Variants in CCSER2 observed in about 807,000 individuals in gnomAD.
CCSER2 encodes coiled-coil serine rich protein 2, also known as serine-rich coiled-coil domain-containing protein 2.
A neutral mutation model predicts 92.3 loss-of-function variants in CCSER2; 46 were observed. That is an observed-to-expected ratio of 0.50 (90% confidence interval 0.39 to 0.64). The LOEUF (loss-of-function observed/expected upper bound fraction) is 0.64, where lower values mean the gene tolerates loss of function less well. CCSER2 is among the 30% of genes least tolerant of loss of function. CCSER2 has a pLI of 0.00. For synonymous variants in CCSER2, 433 were observed against 431.4 expected (o/e 1.00, Z -0.04); for missense variants, 1,244 against 1,238.9 (o/e 1.00, Z -0.06).
At chr10:84,499,611 G>A (rs375658709) in intron 9 of CCSER2, among the ~76,000 whole-genome samples, 42 of 151,824 alleles carry the variant, frequency 2.8e-4, no homozygotes, top group African/African-American at 6.5e-4. Flanking sequence ...AATGTATACC[G>A]GAAAGAATAT....
chr10:84,402,703 TA>T (rs1842183254), intron 3 of CCSER2, among the ~76,000 whole-genome samples: 1 of 152,210 alleles, frequency 6.6e-6, no homozygotes, highest in African/African-American at 2.4e-5. Flanking sequence ...GAAGAAAGAT[TA>T]AATGCTTTTC....
intron 6 of CCSER2, among the ~76,000 whole-genome samples, chr10:84,446,326 A>G (rs1447350192): frequency 6.6e-6 from 1 of 152,226 alleles, no homozygotes; most frequent in Non-Finnish European, 1.5e-5. Flanking sequence ...GTGATATACA[A>G]ATGTTTAGTT....
In CCSER2 at chr10:84,496,092, A is replaced by G. The variant is rs539872327; in HGVS notation, c.2326-17357A>G. ...TAATGTTTTAGTTGTTGCTGTAGGC[A>G]TTATATTTCACACACACATACATAT... On this transcript the variant is annotated intron_variant, in intron 9 of 9. Transcript: ENST00000372088. Among the ~76,000 whole-genome samples, 6 of 152,006 alleles carry G rather than the reference A, an allele frequency of 3.9e-5. No homozygotes were observed. The South Asian group carries it at 1.0e-3, about 26-fold the overall frequency.
intron 1 of CCSER2, among the ~76,000 whole-genome samples, chr10:84,361,421 T>C (rs1845492744): frequency 6.6e-6 from 1 of 152,210 alleles, no homozygotes; most frequent in Non-Finnish European, 1.5e-5. Flanking sequence ...ATTATCTGGC[T>C]CTTCCAGGTT....
In CCSER2 at chr10:84,438,584, G is replaced by C. The variant is rs746765077; in HGVS notation, c.1941G>C (p.Gln647His). The C allele has an allele frequency of 6.2e-7, 1 of 1,613,708 alleles. No homozygotes were observed. Among genetic ancestry groups the C allele is most frequent in the East Asian group, 2.2e-5 (1 of 44,876 alleles). The change falls in exon 6 of 10, where the codon CAG (glutamine) becomes CAC (histidine). Residue 647 changes from glutamine (Q) to histidine (H), a missense_variant. Physicochemically the swap from Gln to His is conservative, Grantham distance 24. Transcript: ENST00000372088. ...SYGGMPFFQAQKMFVDVPENT... is the reference protein window; with the variant it reads ...SYGGMPFFQAHKMFVDVPENT... The stretch of plus-strand genomic sequence containing the variant: ...GAGGGATGCCCTTTTTCCAGGCTCA[G>C]AAGATGTTTGTTGATGTACCAGAAA...
chr10:84,347,259 G>A (rs549048692), intron 1 of CCSER2, among the ~76,000 whole-genome samples: 131 of 152,066 alleles, frequency 8.6e-4, no homozygotes, highest in Non-Finnish European at 1.5e-3. Context: ...CAAAACCATC[G>A]TCATCATGGC....
chr10:84,392,021 A>G lies in CCSER2; in HGVS notation c.1614+18206A>G, dbSNP rs528628036. 6 of 1,276,318 alleles carry G rather than the reference A, an allele frequency of 4.7e-6. No individual in the cohort carries two copies. In the African/African-American group the frequency reaches 7.3e-5, roughly 16 times the overall value. The allele number at this position is 1,276,318 out of a possible 1,614,324, so 79.1% of individuals were successfully genotyped here. Reference sequence around the variant, plus strand: ...ACCAGTTTCCTCTTCCCTTAAAAAGAGCGTCTTGCAGCTGTTTATGGTGTT... The same window carrying G: ...ACCAGTTTCCTCTTCCCTTAAAAAGGGCGTCTTGCAGCTGTTTATGGTGTT... On this transcript the variant is annotated intron_variant, in intron 3 of 9. Coordinates refer to ENST00000372088, the MANE Select transcript of CCSER2 (RefSeq NM_001284240.2).
At chr10:84,362,117 T>C (rs1163602339) in intron 1 of CCSER2, among the ~76,000 whole-genome samples, 2 of 152,206 alleles carry the variant, frequency 1.3e-5, no homozygotes, top group African/African-American at 2.4e-5. Context: ...TAGTCTTCCA[T>C]CCATGTTAAT....
intron 3 of CCSER2, among the ~76,000 whole-genome samples, chr10:84,413,964 G>A (rs1190196768): frequency 6.6e-6 from 1 of 152,080 alleles, no homozygotes; most frequent in Non-Finnish European, 1.5e-5. Flanking sequence ...AACCAGGATT[G>A]CAACCTCTGC....
At chr10:84,373,988 T>G in intron 3 of CCSER2, 173 bp downstream of exon 3, 2 of 1,354,624 alleles carry the variant, frequency 1.5e-6, no homozygotes, top group Non-Finnish European at 2.0e-6. Flanking sequence ...AAATAAAGCA[T>G]GGAGAATATA....
intron 5 of CCSER2, among the ~76,000 whole-genome samples, chr10:84,430,852 C>T (rs192614408): frequency 7.7e-4 from 117 of 152,240 alleles, no homozygotes; most frequent in Admixed American, 3.0e-3. Flanking sequence ...ACAAATTTGC[C>T]AGTGTTCTTA....
intron 6 of CCSER2, among the ~76,000 whole-genome samples, chr10:84,457,334 A>ATTATATATAATATG (rs1845765995): frequency 2.2e-5 from 1 of 46,286 alleles, no homozygotes. Context: ...TATATAATAT[A>ATTATATATAATATG]TTATATATTA....
chr10:84,457,299 ATAATATG>A (rs368554607), intron 6 of CCSER2, among the ~76,000 whole-genome samples: 9 of 61,818 alleles, frequency 1.5e-4, no homozygotes, highest in African/African-American at 5.2e-4. Context: ...TATATTATAT[ATAATATG>A]TTATATATAA....
At chr10:84,413,904 C>T (rs1842771098) in intron 3 of CCSER2, among the ~76,000 whole-genome samples, 1 of 152,000 alleles carries the variant, frequency 6.6e-6, no homozygotes, top group Non-Finnish European at 1.5e-5. Flanking sequence ...TATGTAATGC[C>T]CTTCTTTGTC....
intron 8 of CCSER2, among the ~76,000 whole-genome samples, chr10:84,474,781 G>C (rs1020019340): frequency 2.0e-5 from 3 of 151,668 alleles, no homozygotes; most frequent in African/African-American, 7.3e-5. Flanking sequence ...ATGATGAATA[G>C]CAACTCTTAT....
chr10:84,371,619 A>C lies in CCSER2; in HGVS notation c.567A>C (p.Arg189Ser). 1.2e-6 allele frequency: 2 copies of C among 1,613,632 alleles called. No individual in the cohort carries two copies. The highest frequency in any genetic ancestry group is 1.7e-6 in the Non-Finnish European group (2 of 1,179,652). The change falls in exon 2 of 10, where the codon AGA becomes AGC. Residue 189 changes from arginine (R) to serine (S), a missense_variant. By Grantham distance (110) the Arg-to-Ser change is moderately radical. Coordinates refer to ENST00000372088, the MANE Select transcript of CCSER2 (RefSeq NM_001284240.2). Reference sequence around the variant, plus strand: ...CAGCTGGTAGCATGCAAAGGCCTAGAGCGAACTCCTGTGCCACCAGAAGCA... The same window carrying C: ...CAGCTGGTAGCATGCAAAGGCCTAGCGCGAACTCCTGTGCCACCAGAAGCA... Reference protein sequence around the residue: ...NRSAGSMQRPRANSCATRSSS... With the variant: ...NRSAGSMQRPSANSCATRSSS...
At chr10:84,460,134 G>A (rs1390011904) in intron 6 of CCSER2, among the ~76,000 whole-genome samples, 1 of 136,418 alleles carries the variant, frequency 7.3e-6, no homozygotes, top group Non-Finnish European at 1.5e-5. Context: ...CTGTTGCCCA[G>A]GCTGGAGTGC....
chr10:84,465,347 C>T (rs574573094), intron 7 of CCSER2, among the ~76,000 whole-genome samples: 66 of 94,676 alleles, frequency 7.0e-4, no homozygotes, highest in African/African-American at 2.1e-3. Context: ...TTTTTTTAGA[C>T]GGAGCCTTGC....
rs1849628959 is a variant in CCSER2 at position 84,517,306 on chromosome 10, A to C, written c.*3039A>C. The C allele has an allele frequency of 6.5e-6, 1 of 152,676 alleles. No individual in the cohort carries two copies. The highest frequency in any genetic ancestry group is 2.1e-4 in the South Asian group (1 of 4,836). 9.5% of individuals were successfully genotyped at this position (152,676 alleles called of 1,614,324 possible). On this transcript the variant is annotated 3_prime_UTR_variant, in exon 10 of 10. Transcript: ENST00000372088. ...CTTGGCCTAAGGAGTTTATTGGTACAGGTGCAGATGATTTTAAGGCATTAA... is the reference window on the plus strand; with the variant it reads ...CTTGGCCTAAGGAGTTTATTGGTACCGGTGCAGATGATTTTAAGGCATTAA...
Sources: allele counts gnomAD v4.1 joint callset (sites outside exome capture counted in the v4.1 genomes callset), GRCh38; gene constraint gnomAD v4.1.1; transcripts MANE v1.5; gene names NCBI Gene and HGNC (gene_info 2026-07-23, HGNC 2026-07-21).